RBFOX3: variants seen among roughly 807,000 people sequenced by gnomAD.
The protein encoded by RBFOX3 is RNA binding protein fox-1 homolog 3.
Under a neutral mutation model 48.7 loss-of-function variants are expected in RBFOX3, and 17 were observed. That is an observed-to-expected ratio of 0.35 (90% CI 0.24 to 0.52). The LOEUF (loss-of-function observed/expected upper bound fraction) is 0.52, where lower values mean the gene tolerates loss of function less well. Ranked by LOEUF, RBFOX3 falls within the 20% of genes least tolerant of loss-of-function variation. The pLI, the probability that RBFOX3 is intolerant of heterozygous loss-of-function variation, is 0.94. For synonymous variants in RBFOX3, 212 were observed against 209.5 expected (o/e 1.01, Z -0.10); for missense variants, 382 against 497.5 (o/e 0.77, Z 2.21).
intron 1 of RBFOX3, among the ~76,000 whole-genome samples, chr17:79,514,158 G>C (rs2084917893): frequency 6.6e-6 from 1 of 152,198 alleles, no homozygotes; most frequent in South Asian, 2.1e-4. Flanking sequence ...GTGCTGGACA[G>C]AGGAAGCCAC....
intron 1 of RBFOX3, among the ~76,000 whole-genome samples, chr17:79,603,028 T>C (rs958337872): frequency 1.3e-5 from 2 of 150,476 alleles, no homozygotes; most frequent in African/African-American, 2.5e-5. Flanking sequence ...TCTTGCTCTG[T>C]TGCCCAGACT....
chr17:79,370,169 G>A (rs1568126235), intron 2 of RBFOX3, among the ~76,000 whole-genome samples: 2 of 152,194 alleles, frequency 1.3e-5, no homozygotes, highest in Non-Finnish European at 2.9e-5. Context: ...AACGCTCACA[G>A]AGCCAAGAGG....
intron 4 of RBFOX3, among the ~76,000 whole-genome samples, chr17:79,200,782 G>A (rs2056629978): frequency 6.6e-6 from 1 of 152,140 alleles, no homozygotes; most frequent in Non-Finnish European, 1.5e-5. Flanking sequence ...AAACTGATGG[G>A]GGATGCACCT....
intron 2 of RBFOX3, among the ~76,000 whole-genome samples, chr17:79,346,310 C>A (rs2082913258): frequency 6.6e-6 from 1 of 152,192 alleles, no homozygotes; most frequent in Admixed American, 6.5e-5. Context: ...TAATAGTGTA[C>A]TTTGTATATG....
chr17:79,480,667 T>C lies in RBFOX3; in HGVS notation c.-175+1787A>G, dbSNP rs1370198173. 3.3e-5 allele frequency among the ~76,000 whole-genome samples: 5 copies of C among 152,182 alleles called. No individual in the cohort carries two copies. The highest frequency in any genetic ancestry group is 1.2e-4 in the African/African-American group (5 of 41,442). ...CGTTGCTGCCTCGGCGCCTTGGCAC[T>C]GGCCATTCCCTCTGTCTGGAACACT... On this transcript the variant is annotated intron_variant, in intron 2 of 14. Transcript: ENST00000693108. The surrounding 1 kb of genome is among the most constrained non-coding windows in gnomAD (Gnocchi z 4.8).
the RBFOX3 span, among the ~76,000 whole-genome samples, chr17:79,621,161 G>T: frequency 6.6e-6 from 1 of 152,114 alleles, no homozygotes; most frequent in Non-Finnish European, 1.5e-5. Context: ...ACCACGCCCG[G>T]CTTATTTTTC....
chr17:79,113,358 G>A (rs143845244), intron 5 of RBFOX3, among the ~76,000 whole-genome samples: 2 of 152,232 alleles, frequency 1.3e-5, no homozygotes, highest in East Asian at 1.9e-4. Context: ...TTTGTTCTTC[G>A]TGGGGCACCA....
intron 1 of RBFOX3, among the ~76,000 whole-genome samples, chr17:79,545,569 G>T (rs1295094301): frequency 1.3e-5 from 2 of 152,204 alleles, no homozygotes; most frequent in Non-Finnish European, 2.9e-5. Context: ...GGCTTCCCAG[G>T]TCGCTTCCTT....
intron 1 of RBFOX3, chr17:79,600,711 G>C (rs1414989880): frequency 6.6e-6 from 1 of 152,316 alleles, no homozygotes; most frequent in African/African-American, 2.4e-5. Context: ...CGGGGAAGCA[G>C]TCTAGCTCAG....
At chr17:79,230,416 T>C (rs538670679) in intron 4 of RBFOX3, among the ~76,000 whole-genome samples, 51 of 152,074 alleles carry the variant, frequency 3.4e-4, no homozygotes, top group South Asian at 1.0e-3. Context: ...CCCGCCACCA[T>C]ACCCGGCTAA....
rs922177146 is a variant in RBFOX3, at chr17:79,160,091, A to G, written c.-33-44343T>C. 3.3e-5 allele frequency among the ~76,000 whole-genome samples: 5 copies of G among 152,266 alleles called. No individual in the cohort carries two copies. The South Asian group carries it at 8.3e-4, about 25-fold the overall frequency. On this transcript the variant is annotated intron_variant, in intron 4 of 14. Transcript: ENST00000693108. ...CCCAGGAACGCTCCGCTCGAGTAGT[A>G]AGTGACTGCCTAGCTCCGGCCCCGG...
At chr17:79,455,700 C>T (rs1320011175) in intron 2 of RBFOX3, among the ~76,000 whole-genome samples, 2 of 152,186 alleles carry the variant, frequency 1.3e-5, no homozygotes, top group Non-Finnish European at 2.9e-5. Flanking sequence ...GACACACATG[C>T]CACCACACAC....
intron 3 of RBFOX3, among the ~76,000 whole-genome samples, chr17:79,237,453 C>CCACAGTAACTGAGTCAGCTGG (rs2061765659): frequency 1.3e-5 from 2 of 152,222 alleles, no homozygotes; most frequent in Admixed American, 1.3e-4. Context: ...GCGACTGTGG[C>CCACAGTAACTGAGTCAGCTGG]CACAGTAACT....
intron 2 of RBFOX3, among the ~76,000 whole-genome samples, chr17:79,350,986 T>C (rs1225117188): frequency 2.6e-5 from 4 of 152,224 alleles, no homozygotes; most frequent in Non-Finnish European, 4.4e-5. Context: ...CTGCCTTCTC[T>C]AGGGACCTTA....
chr17:79,466,369 G>T (rs1555753766), intron 2 of RBFOX3, among the ~76,000 whole-genome samples: 1 of 152,212 alleles, frequency 6.6e-6, no homozygotes, highest in Non-Finnish European at 1.5e-5. Flanking sequence ...GCCCCAGATA[G>T]GTGGGTGACC....
chr17:79,097,138 A>T (rs1465638237), intron 11 of RBFOX3, among the ~76,000 whole-genome samples, 154 bp downstream of exon 11: 1 of 151,878 alleles, frequency 6.6e-6, no homozygotes, highest in African/African-American at 2.4e-5. Flanking sequence ...TAATGGAGGC[A>T]GCTGCAGGGC....
intron 4 of RBFOX3, among the ~76,000 whole-genome samples, chr17:79,129,204 A>G (rs2038136770): frequency 6.6e-6 from 1 of 152,204 alleles, no homozygotes; most frequent in East Asian, 1.9e-4. Flanking sequence ...GCACTGGGTG[A>G]AGCACTGAAA....
intron 4 of RBFOX3, among the ~76,000 whole-genome samples, chr17:79,117,382 C>T (rs2034354780): frequency 6.6e-6 from 1 of 152,192 alleles, no homozygotes; most frequent in African/African-American, 2.4e-5. Flanking sequence ...TGGCTGCTCA[C>T]CTCCCTCACC....
intron 2 of RBFOX3, among the ~76,000 whole-genome samples, chr17:79,470,749 A>G (rs1323056514): frequency 6.6e-6 from 1 of 152,234 alleles, no homozygotes; most frequent in East Asian, 1.9e-4. Context: ...TGTGGATTCA[A>G]TGTAAGATGT....
Sources: allele counts gnomAD v4.1 joint callset (sites outside exome capture counted in the v4.1 genomes callset), GRCh38; gene constraint gnomAD v4.1.1; non-coding constraint Gnocchi (gnomAD v3.1); transcripts MANE v1.5; gene names NCBI Gene and HGNC (gene_info 2026-07-23, HGNC 2026-07-21).